Variants in GRIA2 observed in about 807,000 individuals in gnomAD.
GRIA2 encodes glutamate ionotropic receptor AMPA type subunit 2.
Under a neutral mutation model 97.3 loss-of-function variants are expected in GRIA2, and 14 were observed. The ratio of observed to expected loss-of-function variants is 0.14; its 90% CI spans 0.10 to 0.23. The LOEUF (loss-of-function observed/expected upper bound fraction) is 0.23. Among genes scored for constraint, GRIA2 ranks in the 10% least tolerant of loss-of-function variants. GRIA2 has a pLI of 1.00. For synonymous variants in GRIA2, 412 were observed against 387.8 expected, an observed-to-expected ratio of 1.06 and a Z score of -0.73; for missense variants, 558 against 1,069.8, an observed-to-expected ratio of 0.52 and a Z score of 6.67.
chr4:157,266,255 T>C (rs1412711784), intron 2 of GRIA2, among the ~76,000 whole-genome samples: 1 of 152,044 alleles, frequency 6.6e-6, no homozygotes, highest in Non-Finnish European at 1.5e-5. Flanking sequence ...GGGTTGGAGA[T>C]GGAGAACTGC....
rs1736566660 is a variant in GRIA2 at position 157,360,022 on chromosome 4, T to A, written c.2170T>A (p.Leu724Met). Residue 724 changes from leucine (L) to methionine (M), a missense_variant, in exon 13 of 16, where the codon TTG becomes ATG. Physicochemically the swap from Leu to Met is conservative, Grantham distance 15. Coordinates refer to ENST00000264426, the MANE Select transcript of GRIA2 (RefSeq NM_001083619.3). ...GAAGTCCAAAGGGAAATATGCCTAC[T>A]TGTTGGAGTCCACGATGAACGAGTA... ...VRKSKGKYAY[L>M]LESTMNEYIE... The A allele has an allele frequency of 6.2e-7, 1 of 1,613,858 alleles. No homozygotes were observed. The highest frequency in any genetic ancestry group is 1.3e-5 in the African/African-American group (1 of 74,884).
At chr4:157,336,241 A>G in intron 10 of GRIA2, 136 bp from the exon 11 acceptor site, 1 of 719,418 alleles carries the variant, frequency 1.4e-6, no homozygotes, top group South Asian at 1.9e-5. Context: ...TTTATCCTTT[A>G]CTGGGACTAT....
intron 2 of GRIA2, among the ~76,000 whole-genome samples, chr4:157,288,112 T>C (rs1732928228): frequency 6.6e-6 from 1 of 151,686 alleles, no homozygotes; most frequent in South Asian, 2.1e-4. Flanking sequence ...TTTTCAGATG[T>C]CTCAAAGTAT....
chr4:157,224,428 TTGAC>T lies in GRIA2; in HGVS notation c.229+2624_229+2627del, dbSNP rs574020527. On this transcript the variant is annotated intron_variant, in intron 2 of 15. Coordinates refer to ENST00000264426, the MANE Select transcript of GRIA2 (RefSeq NM_001083619.3). ...AATTTCTGGGGCTGACATTAACTCA[TTGAC>T]TGGGCAAATCGCTTAACATGTTTGT... Among the ~76,000 whole-genome samples the T allele has an allele frequency of 7.9e-5, 12 of 152,288 alleles. No homozygotes were observed. The South Asian group carries it at 1.2e-3, about 16-fold the overall frequency.
chr4:157,244,312 C>T (rs915188798), intron 2 of GRIA2, among the ~76,000 whole-genome samples: 3 of 151,994 alleles, frequency 2.0e-5, no homozygotes, highest in Admixed American at 2.0e-4. Context: ...TAGTAAGCAG[C>T]ATGAGTTTTG....
chr4:157,352,667 C>T (rs1213004942), intron 12 of GRIA2, among the ~76,000 whole-genome samples: 1 of 141,158 alleles, frequency 7.1e-6, no homozygotes, highest in Non-Finnish European at 1.5e-5. Flanking sequence ...TTGCAGTGAG[C>T]AGAGACCATG....
rs1730703929 is a variant in GRIA2 at position 157,245,739 on chromosome 4, C to T, written c.229+23932C>T. Among the ~76,000 whole-genome samples the T allele has an allele frequency of 2.0e-5, 3 of 152,090 alleles. No homozygotes were observed. The South Asian group carries it at 6.2e-4, about 32-fold the overall frequency. The stretch of plus-strand genomic sequence containing the variant: ...CTTGATAATCTTTATCACAAAATAA[C>T]TCTTCTTGTCAAGGAGTTTTGCCTA... On this transcript the variant is annotated intron_variant, in intron 2 of 15. Coordinates refer to ENST00000264426, the MANE Select transcript of GRIA2 (RefSeq NM_001083619.3).
At chr4:157,297,854 C>T (rs1311583217) in intron 2 of GRIA2, among the ~76,000 whole-genome samples, 1 of 151,210 alleles carries the variant, frequency 6.6e-6, no homozygotes, top group Non-Finnish European at 1.5e-5. Flanking sequence ...AAAAATTATA[C>T]CAACAGGGAA....
intron 2 of GRIA2, among the ~76,000 whole-genome samples, chr4:157,266,703 G>A (rs1731786287): frequency 6.6e-6 from 1 of 152,034 alleles, no homozygotes; most frequent in African/African-American, 2.4e-5. Flanking sequence ...AGAAGGAGTA[G>A]AGAATGAGGT....
Position 157,336,397 on chromosome 4 carries a change from T to G in GRIA2, c.1494T>G (p.Ala498=). 6.4e-7 allele frequency: 1 copy of G among 1,558,686 alleles called. No homozygotes were observed. Among genetic ancestry groups the G allele is most frequent in the Non-Finnish European group, 8.7e-7 (1 of 1,154,192 alleles). ...TACAGAAAGCTGATATTGCAATTGC[T>G]CCATTAACTATTACCCTTGTGAGAG... ...LVYGKADIAI[A]PLTITLVREE... Residue 498 remains alanine (A), a synonymous_variant, in exon 11 of 16, where the codon GCT becomes GCG. Coordinates refer to ENST00000264426, the MANE Select transcript of GRIA2 (RefSeq NM_001083619.3).
rs903373906 is a variant in GRIA2 at position 157,364,472 on chromosome 4, T to G, written c.*1041T>G. On this transcript the variant is annotated 3_prime_UTR_variant, in exon 16 of 16. Transcript: ENST00000264426. ...AATATCTTTTTGACATGTCTAAATA[T>G]ATATATATATAAAGAAATATTTGTT... 1 of 151,640 alleles carries G rather than the reference T, an allele frequency of 6.6e-6. No homozygotes were observed. The highest frequency in any genetic ancestry group is 2.4e-5 in the African/African-American group (1 of 41,362). The allele number at this position is 151,640 out of a possible 1,614,324, so 9.4% of individuals were successfully genotyped here. A position where few individuals can be genotyped will look rare whatever the true frequency, so the allele number is the denominator to read the frequency against.
chr4:157,300,543 A>G (rs1035614267), intron 2 of GRIA2, among the ~76,000 whole-genome samples: 1 of 152,090 alleles, frequency 6.6e-6, no homozygotes, highest in Non-Finnish European at 1.5e-5. Flanking sequence ...CTGTTGGCCG[A>G]ATGGCTGTTA....
At chr4:157,318,484 C>T (rs1471387866) in intron 5 of GRIA2, among the ~76,000 whole-genome samples, 2 of 152,072 alleles carry the variant, frequency 1.3e-5, no homozygotes, top group Non-Finnish European at 2.9e-5. Flanking sequence ...CACTTAATCA[C>T]GGCTTCTTGG....
intron 11 of GRIA2, among the ~76,000 whole-genome samples, chr4:157,338,577 A>G (rs966657067): frequency 1.3e-5 from 2 of 151,990 alleles, no homozygotes; most frequent in Non-Finnish European, 2.9e-5. Context: ...CTAAATTAAG[A>G]TGTTTTTTCT....
intron 2 of GRIA2, among the ~76,000 whole-genome samples, chr4:157,272,794 C>A (rs755951182): frequency 1.3e-5 from 2 of 152,098 alleles, no homozygotes; most frequent in African/African-American, 2.4e-5. Flanking sequence ...ATACTCAACA[C>A]TGGCCTCTGC....
intron 2 of GRIA2, among the ~76,000 whole-genome samples, chr4:157,241,576 T>C (rs1368016036): frequency 2.0e-5 from 3 of 152,246 alleles, no homozygotes; most frequent in Admixed American, 2.0e-4. Flanking sequence ...AAAAAGATCA[T>C]ACATCCTTTT....
intron 11 of GRIA2, among the ~76,000 whole-genome samples, chr4:157,337,410 G>A (rs572849552): frequency 1.3e-5 from 2 of 151,838 alleles, no homozygotes. Context: ...CCCTGCACTA[G>A]AATACCTAAT....
At chr4:157,324,544 G>A (rs1203895637) in intron 6 of GRIA2, among the ~76,000 whole-genome samples, 2 of 152,192 alleles carry the variant, frequency 1.3e-5, no homozygotes, top group African/African-American at 2.4e-5. Flanking sequence ...TTTGCACATG[G>A]TTGAGAAGGA....
intron 2 of GRIA2, among the ~76,000 whole-genome samples, chr4:157,300,486 G>A (rs1257215324): frequency 6.6e-6 from 1 of 151,996 alleles, no homozygotes; most frequent in Non-Finnish European, 1.5e-5. Context: ...ATCCTGCTTG[G>A]GGACAGAGAC....
Sources: gnomAD v4.1 joint callset for allele counts (sites outside exome capture counted in the v4.1 genomes callset) on GRCh38, gnomAD v4.1.1 for gene constraint, MANE v1.5 for transcripts, NCBI Gene and HGNC (gene_info 2026-07-23, HGNC 2026-07-21) for gene names.